Variants in AGGF1 observed in about 807,000 individuals in gnomAD.
AGGF1 encodes the protein angiogenic factor with G-patch and FHA domains 1.
In AGGF1, 56 loss-of-function variants were observed where a neutral mutation model predicts 86.5. The observed-to-expected ratio is 0.65, with a 90% CI of 0.52 to 0.81. The LOEUF (loss-of-function observed/expected upper bound fraction) is 0.81. Ranked by LOEUF, AGGF1 falls within the 30% of genes least tolerant of loss-of-function variation. AGGF1 has a pLI of 0.00. For missense variants in AGGF1, 816 were observed against 850.9 expected (o/e 0.96, Z 0.51); for synonymous variants, 313 against 297.1 (o/e 1.05, Z -0.55).
At position 77,035,434 on chromosome 5, in the gene AGGF1, T is replaced by C. The variant is rs558204814; in HGVS notation, c.314-107T>C. 2.2e-5 allele frequency: 18 copies of C among 815,602 alleles called. No individual in the cohort carries two copies. In the East Asian group the frequency reaches 3.5e-4, roughly 16 times the overall value. 50.5% of individuals were successfully genotyped at this position (815,602 alleles called of 1,614,324 possible). On this transcript the variant is annotated intron_variant, in intron 2 of 13. Transcript: ENST00000312916. Reference sequence around the variant, plus strand: ...GTACAGTTGTAAAAATCATGATTTATTTGAAGTATGTGCTTTTTGTGTTTA... The same window carrying C: ...GTACAGTTGTAAAAATCATGATTTACTTGAAGTATGTGCTTTTTGTGTTTA...
intron 13 of AGGF1, among the ~76,000 whole-genome samples, chr5:77,062,510 T>C (rs1747579682): frequency 6.6e-6 from 1 of 152,086 alleles, no homozygotes; most frequent in Admixed American, 6.6e-5. Context: ...TATGAAAAAA[T>C]GGGGATAAGA....
intron 1 of AGGF1, among the ~76,000 whole-genome samples, chr5:77,034,166 G>T (rs1746920844): frequency 6.6e-6 from 1 of 152,144 alleles, no homozygotes; most frequent in South Asian, 2.1e-4. Context: ...TAGAAATAAA[G>T]GACCTTGTTC....
Position 77,034,467 on chromosome 5 carries a change from A to G in AGGF1, c.260A>G (p.Lys87Arg), listed in dbSNP as rs753952728. The G allele has an allele frequency of 5.0e-6, 8 of 1,613,596 alleles. No individual in the cohort carries two copies. The Admixed American group carries it at 8.3e-5, about 17-fold the overall frequency. ...ILQRGRNEDN[K>R]KSDVEVQTEN... Reference sequence around the variant, plus strand: ...CAACGTGGGAGAAATGAAGATAATAAAAAGTCTGATGTAGAAGTACAAACA... The same window carrying G: ...CAACGTGGGAGAAATGAAGATAATAGAAAGTCTGATGTAGAAGTACAAACA... Residue 87 changes from lysine (K) to arginine (R), a missense_variant, in exon 2 of 14, where the codon AAA becomes AGA. Coordinates refer to ENST00000312916, the MANE Select transcript of AGGF1 (RefSeq NM_018046.5).
chr5:77,044,590 A>G (rs940407494), intron 5 of AGGF1, among the ~76,000 whole-genome samples: 1 of 152,082 alleles, frequency 6.6e-6, no homozygotes, highest in Non-Finnish European at 1.5e-5. Flanking sequence ...TTCCCTGCAT[A>G]TGTTGTTCAG....
At chr5:77,044,859 T>C (rs1291353627) in intron 5 of AGGF1, among the ~76,000 whole-genome samples, 1 of 152,098 alleles carries the variant, frequency 6.6e-6, no homozygotes, top group Non-Finnish European at 1.5e-5. Flanking sequence ...GGTCAAGAGA[T>C]CGAGACCAGT....
Position 77,035,841 on chromosome 5 carries a change from A to ATATATAAGGGTTATATATGGGT in AGGF1, c.516+113_516+114insTATGGGTTATATAAGGGTTATA. On this transcript the variant is annotated intron_variant, in intron 3 of 13. Coordinates refer to ENST00000312916, the MANE Select transcript of AGGF1 (RefSeq NM_018046.5). Reference sequence around the variant, plus strand: ...ATAGACTTCTTTGGTCCGTCACAGCATATATAAGGGTTATAAACATTCTTA... The same window carrying ATATATAAGGGTTATATATGGGT: ...ATAGACTTCTTTGGTCCGTCACAGCATATATAAGGGTTATATATGGGTTATATAAGGGTTATAAACATTCTTA... 5 of 1,044,604 alleles carry ATATATAAGGGTTATATATGGGT rather than the reference A, an allele frequency of 4.8e-6. No individual in the cohort carries two copies. In the South Asian group the frequency reaches 6.6e-5, roughly 14 times the overall value. 64.7% of individuals were successfully genotyped at this position (1,044,604 alleles called of 1,614,324 possible). A position where few individuals can be genotyped will look rare whatever the true frequency, so the allele number is the denominator to read the frequency against.
intron 4 of AGGF1, among the ~76,000 whole-genome samples, chr5:77,038,521 T>A (rs1216003081): frequency 6.6e-6 from 1 of 152,166 alleles, no homozygotes; most frequent in Non-Finnish European, 1.5e-5. Context: ...TTTAAAAGGT[T>A]TGAATTATAA....
intron 8 of AGGF1, among the ~76,000 whole-genome samples, chr5:77,049,354 G>A (rs191065631): frequency 9.5e-4 from 145 of 152,038 alleles, no homozygotes; most frequent in Non-Finnish European, 4.3e-4. Flanking sequence ...ACTTTGAGCC[G>A]GAGGATTTCA....
intron 5 of AGGF1, among the ~76,000 whole-genome samples, chr5:77,040,772 G>A (rs911054071): frequency 6.6e-6 from 1 of 152,168 alleles, no homozygotes. Context: ...TCTTACTCTT[G>A]AAATTTTATC....
intron 5 of AGGF1, among the ~76,000 whole-genome samples, chr5:77,042,840 G>A (rs1747141942): frequency 1.5e-5 from 1 of 64,644 alleles, no homozygotes; most frequent in Non-Finnish European, 3.9e-5. Flanking sequence ...CCCGGGCGGG[G>A]CGGCTGGCCG....
At chr5:77,044,234 G>A (rs1747201901) in intron 5 of AGGF1, among the ~76,000 whole-genome samples, 1 of 151,480 alleles carries the variant, frequency 6.6e-6, no homozygotes, top group Non-Finnish European at 1.5e-5. Flanking sequence ...CAGGCGGCTG[G>A]GAGGTGTAGG....
At chr5:77,031,028 G>GA in intron 1 of AGGF1, 52 bp downstream of exon 1, 1 of 1,592,028 alleles carries the variant, frequency 6.3e-7, no homozygotes, top group South Asian at 1.1e-5. Context: ...CGAGGCCTTC[G>GA]AAGCCCGTGA....
At chr5:77,033,231 G>C (rs1252104279) in intron 1 of AGGF1, among the ~76,000 whole-genome samples, 1 of 152,164 alleles carries the variant, frequency 6.6e-6, no homozygotes, top group African/African-American at 2.4e-5. Context: ...AAAAAGTTTT[G>C]CTTGAGAATG....
chr5:77,053,657 T>C (rs1747414657), intron 9 of AGGF1, among the ~76,000 whole-genome samples: 3 of 152,192 alleles, frequency 2.0e-5, no homozygotes, highest in South Asian at 4.1e-4. Flanking sequence ...TTCATCTTTT[T>C]TTATTGTGAT....
chr5:77,035,817 T>A, intron 3 of AGGF1, 74 bp downstream of exon 3: 1 of 1,321,688 alleles, frequency 7.6e-7, no homozygotes, highest in Admixed American at 1.7e-5. Flanking sequence ...TGTGGAAAGA[T>A]AGACTTCTTT....
chr5:77,030,485 C>G lies in AGGF1; in HGVS notation c.-282C>G, dbSNP rs1164837506. On this transcript the variant is annotated 5_prime_UTR_variant, in exon 1 of 14. Coordinates refer to ENST00000312916, the MANE Select transcript of AGGF1 (RefSeq NM_018046.5). ...CCGACTGCTTATCCGACGCTCCTCCCTCTGTCTCTGTAGCTGGAGAAGGTA... is the reference window on the plus strand; with the variant it reads ...CCGACTGCTTATCCGACGCTCCTCCGTCTGTCTCTGTAGCTGGAGAAGGTA... 7 of 628,954 alleles carry G rather than the reference C, an allele frequency of 1.1e-5. No homozygotes were observed. Among genetic ancestry groups the G allele is most frequent in the South Asian group, 7.6e-5 (5 of 66,154 alleles). The allele number at this position is 628,954 out of a possible 1,614,324, so 39.0% of individuals were successfully genotyped here.
At chr5:77,035,113 A>G (rs939192513) in intron 2 of AGGF1, among the ~76,000 whole-genome samples, 1 of 152,208 alleles carries the variant, frequency 6.6e-6, no homozygotes, top group Non-Finnish European at 1.5e-5. Flanking sequence ...AAAAGTCTGC[A>G]TGGGGAGAGA....
At chr5:77,053,570 T>G (rs934553978) in intron 9 of AGGF1, among the ~76,000 whole-genome samples, 2 of 152,024 alleles carry the variant, frequency 1.3e-5, no homozygotes, top group African/African-American at 2.4e-5. Context: ...TCTGTAAGAG[T>G]AAAAATGGAA....
intron 5 of AGGF1, among the ~76,000 whole-genome samples, chr5:77,042,637 A>C (rs1580127390): frequency 1.4e-4 from 4 of 28,392 alleles, no homozygotes; most frequent in Admixed American, 4.0e-4. Flanking sequence ...CGGGGGGCTG[A>C]CCCCCCCACC....
Sources: allele counts gnomAD v4.1 joint callset (sites outside exome capture counted in the v4.1 genomes callset), GRCh38; gene constraint gnomAD v4.1.1; transcripts MANE v1.5; gene names NCBI Gene and HGNC (gene_info 2026-07-23, HGNC 2026-07-21).